Variants in CAST observed in about 807,000 individuals in gnomAD.
CAST encodes the protein MIR583 host.
CAST carries 76 observed loss-of-function variants against 119.6 expected under a neutral mutation model. The ratio of observed to expected loss-of-function variants is 0.64; its 90% confidence interval spans 0.53 to 0.77. The LOEUF is 0.77. Ranked by LOEUF, CAST falls within the 30% of genes least tolerant of loss-of-function variation. CAST has a pLI of 0.00. For synonymous variants in CAST, 319 were observed against 331.6 expected (o/e 0.96, Z 0.41); for missense variants, 953 against 946.5 (o/e 1.01, Z -0.09).
chr5:96,024,764 A>T, the CAST span, among the ~76,000 whole-genome samples: 1 of 152,180 alleles, frequency 6.6e-6, no homozygotes, highest in Non-Finnish European at 1.5e-5. Context: ...ATGCAATTTT[A>T]GCCTTCTTTT....
chr5:96,271,957 AAT>A, the CAST span, among the ~76,000 whole-genome samples: 5 of 152,358 alleles, frequency 3.3e-5, no homozygotes, highest in South Asian at 1.0e-3. Flanking sequence ...AAGAGATCCG[AAT>A]AGACATTTCT....
the CAST span, among the ~76,000 whole-genome samples, chr5:95,978,188 G>A: frequency 5.9e-5 from 9 of 152,134 alleles, no homozygotes; most frequent in African/African-American, 1.4e-4. Flanking sequence ...TGGGTTGACC[G>A]GTAGTTCTGT....
the CAST span, chr5:95,980,508 A>G: frequency 1.3e-5 from 2 of 152,320 alleles, no homozygotes; most frequent in African/African-American, 4.8e-5. Flanking sequence ...GCCCAGCGCA[A>G]AATGAAAATG....
the CAST span, among the ~76,000 whole-genome samples, chr5:96,191,596 G>A: frequency 6.6e-6 from 1 of 152,142 alleles, no homozygotes; most frequent in African/African-American, 2.4e-5. Context: ...AATAAAGATG[G>A]AGTATCAAAT....
chr5:96,697,766 C>G (rs557415193), intron 3 of CAST, among the ~76,000 whole-genome samples: 1 of 152,194 alleles, frequency 6.6e-6, no homozygotes, highest in African/African-American at 2.4e-5. Context: ...GCTTCAGTTT[C>G]TTCATCTGTA....
chr5:96,414,226 A>T, the CAST span, among the ~76,000 whole-genome samples: 1 of 152,048 alleles, frequency 6.6e-6, no homozygotes, highest in African/African-American at 2.4e-5. Flanking sequence ...CAGTTTCTTC[A>T]ACTGTAAAAT....
chr5:96,672,136 G>A (rs1263609086), intron 1 of CAST, among the ~76,000 whole-genome samples: 1 of 152,172 alleles, frequency 6.6e-6, no homozygotes, highest in Non-Finnish European at 1.5e-5. Flanking sequence ...GATGCATGGT[G>A]AAAAGTTTAG....
chr5:96,037,728 C>G, the CAST span, among the ~76,000 whole-genome samples: 429 of 152,236 alleles, frequency 2.8e-3, 3 homozygotes, highest in African/African-American at 9.8e-3. Flanking sequence ...TGCTGTTGCT[C>G]ATGGCTCTGT....
chr5:96,748,727 G>A lies in CAST; in HGVS notation c.1428+114G>A, dbSNP rs2290674. ...CTGTTAGAAAGCCCAATATGCCATC[G>A]TTTTTTCCATGTCATTTTTGTCTTC... On this transcript the variant is annotated intron_variant, in intron 19 of 31. Transcript: ENST00000675179. 0.082 allele frequency: 45,404 copies of A among 551,398 alleles called. 2,276 individuals carry two copies. The highest frequency in any genetic ancestry group is 0.15 in the African/African-American group (7,777 of 51,032). The allele number at this position is 551,398 out of a possible 1,614,324, so 34.2% of individuals were successfully genotyped here. A position where few individuals can be genotyped will look rare whatever the true frequency, so the allele number is the denominator to read the frequency against.
intron 20 of CAST, among the ~76,000 whole-genome samples, chr5:96,752,027 G>C (rs1191481811): frequency 6.6e-6 from 1 of 152,156 alleles, no homozygotes; most frequent in African/African-American, 2.4e-5. Flanking sequence ...AATAGCTGTA[G>C]AGTGTAATAA....
At chr5:96,088,605 G>A in the CAST span, among the ~76,000 whole-genome samples, 1 of 152,174 alleles carries the variant, frequency 6.6e-6, no homozygotes, top group Non-Finnish European at 1.5e-5. Flanking sequence ...AAATCCATCA[G>A]GGATTTATTC....
chr5:96,380,659 A>T, the CAST span, among the ~76,000 whole-genome samples: 1 of 152,206 alleles, frequency 6.6e-6, no homozygotes, highest in African/African-American at 2.4e-5. Context: ...CTTTCAAGTG[A>T]AATTAAAGTT....
the CAST span, among the ~76,000 whole-genome samples, chr5:96,144,168 C>T: frequency 1.8e-3 from 273 of 152,190 alleles, no homozygotes; most frequent in Non-Finnish European, 2.6e-3. Context: ...AAAATGCATC[C>T]GTTTTGGTGG....
chr5:96,364,692 C>T, the CAST span, among the ~76,000 whole-genome samples: 1,482 of 151,962 alleles, frequency 9.8e-3, 31 homozygotes, highest in African/African-American at 0.034. Flanking sequence ...TTTTTTATTG[C>T]GTCTATTTGA....
At chr5:96,529,133 T>C (rs1323982317), upstream of CAST, among the ~76,000 whole-genome samples, 1 of 152,174 alleles carries the variant, frequency 6.6e-6, no homozygotes, top group East Asian at 1.9e-4. Context: ...TGTTCTCAGG[T>C]GGTGTCATGA....
chr5:96,379,914 G>C, the CAST span, among the ~76,000 whole-genome samples: 1 of 152,158 alleles, frequency 6.6e-6, no homozygotes, highest in Non-Finnish European at 1.5e-5. Context: ...GCCAGGATTG[G>C]ATAGAGGGGG....
chr5:96,579,558 G>T (rs1443278400), intron 1 of CAST, among the ~76,000 whole-genome samples: 2 of 152,098 alleles, frequency 1.3e-5, no homozygotes, highest in Admixed American at 6.5e-5. Flanking sequence ...TTGTAGGTTG[G>T]GGGTCAGGAA....
chr5:96,549,223 G>T (rs1275259457), intron 1 of CAST, among the ~76,000 whole-genome samples: 1 of 152,124 alleles, frequency 6.6e-6, no homozygotes, highest in Non-Finnish European at 1.5e-5. Context: ...ACAAGTCAAT[G>T]GTATGGACCA....
chr5:96,452,764 C>G, the CAST span, among the ~76,000 whole-genome samples: 5 of 142,690 alleles, frequency 3.5e-5, no homozygotes, highest in African/African-American at 1.3e-4. Flanking sequence ...TCCTGGCTAA[C>G]AAGGTGAAAC....
Sources: allele counts gnomAD v4.1 joint callset (sites outside exome capture counted in the v4.1 genomes callset), GRCh38; gene constraint gnomAD v4.1.1; transcripts MANE v1.5; gene names NCBI Gene and HGNC (gene_info 2026-07-23, HGNC 2026-07-21).